Variants in CEP350 observed in about 807,000 individuals in gnomAD.
CEP350 encodes centrosome-associated protein 350.
A neutral mutation model predicts 331.8 loss-of-function variants in CEP350; 126 were observed. The ratio of observed to expected loss-of-function variants is 0.38; its 90% CI spans 0.33 to 0.44. The LOEUF (loss-of-function observed/expected upper bound fraction) is 0.44. Ranked by LOEUF, CEP350 falls within the 20% of genes least tolerant of loss-of-function variation. The pLI is 1.00. For synonymous variants in CEP350, 1,200 were observed against 1,259.5 expected, an observed-to-expected ratio of 0.95 and a Z score of 1.00; for missense variants, 3,406 against 3,634.6, an observed-to-expected ratio of 0.94 and a Z score of 1.62.
intron 1 of CEP350, among the ~76,000 whole-genome samples, chr1:179,958,082 C>A (rs1253416039): frequency 6.6e-6 from 1 of 152,072 alleles, no homozygotes; most frequent in East Asian, 1.9e-4. Context: ...TTTAATATGT[C>A]AGATAATTAT....
At chr1:179,991,836 G>A (rs1653122620) in intron 4 of CEP350, among the ~76,000 whole-genome samples, 1 of 151,352 alleles carries the variant, frequency 6.6e-6, no homozygotes, top group African/African-American at 2.4e-5. Flanking sequence ...ATTTTGCATT[G>A]TTTCCTCAGA....
Position 179,974,461 on chromosome 1 carries a change from C to G in CEP350, c.-13-11708C>G, listed in dbSNP as rs1480166514. Among the ~76,000 whole-genome samples, 3 of 152,020 alleles carry G rather than the reference C, an allele frequency of 2.0e-5. No individual in the cohort carries two copies. In the East Asian group the frequency reaches 5.8e-4, roughly 29 times the overall value. ...TCTGTTCATTGAAGGTTCTGTTGATCTCTAGATGGGTAAGAAGATACAGTC... is the reference window on the plus strand; with the variant it reads ...TCTGTTCATTGAAGGTTCTGTTGATGTCTAGATGGGTAAGAAGATACAGTC... On this transcript the variant is annotated intron_variant, in intron 1 of 37. Transcript: ENST00000367607.
At position 180,076,618 on chromosome 1, in the gene CEP350, G is replaced by A. The variant is rs949685630; in HGVS notation, c.5767+1397G>A. ...AGCCTGGGCAACATGGTAAAACCCC[G>A]TTTCTACCAAAAATAAAAAAATTAG... On this transcript the variant is annotated intron_variant, in intron 28 of 37. Transcript: ENST00000367607. Among the ~76,000 whole-genome samples, 5 of 152,038 alleles carry A rather than the reference G, an allele frequency of 3.3e-5. No individual in the cohort carries two copies. The East Asian group carries it at 7.7e-4, about 24-fold the overall frequency.
intron 6 of CEP350, among the ~76,000 whole-genome samples, chr1:179,998,303 C>CTTTTTTTTTTTT: frequency 8.9e-6 from 1 of 112,078 alleles, no homozygotes; most frequent in Non-Finnish European, 1.9e-5. Flanking sequence ...CTTCTATTTT[C>CTTTTTTTTTTTT]TTTTTTTTTT....
At position 179,955,024 on chromosome 1, in the gene CEP350, C is replaced by T. The variant is rs1205944696; in HGVS notation, c.-132C>T. The T allele has an allele frequency of 3.8e-6, 5 of 1,331,586 alleles. No homozygotes were observed. Among genetic ancestry groups the T allele is most frequent in the East Asian group, 3.1e-5 (1 of 31,978 alleles). 82.5% of individuals were successfully genotyped at this position (1,331,586 alleles called of 1,614,324 possible). A position where few individuals can be genotyped will look rare whatever the true frequency, so the allele number is the denominator to read the frequency against. ...GTGCGAGGAGGGCACCCGGTGCGTC[C>T]CCGGAGCGGGGAGGCCAGGCCGGGC... is the stretch of plus-strand genomic sequence containing the variant. On this transcript the variant is annotated 5_prime_UTR_variant, in exon 1 of 38. Transcript: ENST00000367607.
chr1:180,091,383 GTATAAAGAT>G (rs936744480), intron 33 of CEP350, among the ~76,000 whole-genome samples: 3 of 152,028 alleles, frequency 2.0e-5, no homozygotes, highest in Non-Finnish European at 4.4e-5. Context: ...AAAAACCAAA[GTATAAAGAT>G]TAAATAGCTG....
At chr1:180,096,332 G>C in intron 36 of CEP350, 148 bp downstream of exon 36, 2 of 812,796 alleles carry the variant, frequency 2.5e-6, no homozygotes, top group Non-Finnish European at 3.5e-6. Context: ...ATAAAGATTT[G>C]TTGACTTACT....
intron 18 of CEP350, 46 bp from the exon 19 acceptor site, chr1:180,041,616 G>T: frequency 6.5e-7 from 1 of 1,526,966 alleles, no homozygotes; most frequent in East Asian, 2.3e-5. Context: ...TCAGGAGGAG[G>T]GGAGATTAAA....
chr1:180,069,227 A>C (rs1658739673), intron 27 of CEP350, among the ~76,000 whole-genome samples: 1 of 152,228 alleles, frequency 6.6e-6, no homozygotes, highest in South Asian at 2.1e-4. Flanking sequence ...GTTGGCTTAC[A>C]AAACTGTTAA....
In CEP350 at chr1:180,096,190, C is replaced by T; in HGVS notation, c.9066+6C>T. 6.4e-7 allele frequency: 1 copy of T among 1,552,924 alleles called. No individual in the cohort carries two copies. The highest frequency in any genetic ancestry group is 8.7e-7 in the Non-Finnish European group (1 of 1,148,556). On this transcript the variant is annotated splice_donor_region_variant and intron_variant, in intron 36 of 37. Coordinates refer to ENST00000367607, the MANE Select transcript of CEP350 (RefSeq NM_014810.5). ...ATAACCTTGATGAAATCAAGGTAAACTGCAAACTATAAAGTGTCTTCTTTT... is the reference window on the plus strand; with the variant it reads ...ATAACCTTGATGAAATCAAGGTAAATTGCAAACTATAAAGTGTCTTCTTTT...
At chr1:180,069,631 TTAGA>T (rs796145958) in intron 27 of CEP350, among the ~76,000 whole-genome samples, 23 of 152,314 alleles carry the variant, frequency 1.5e-4, no homozygotes, top group African/African-American at 5.5e-4. Context: ...ATGTAAATTA[TTAGA>T]TAATTTTAAG....
At chr1:180,077,220 C>T (rs527952871) in intron 28 of CEP350, among the ~76,000 whole-genome samples, 1 of 151,868 alleles carries the variant, frequency 6.6e-6, no homozygotes, top group Non-Finnish European at 1.5e-5. Flanking sequence ...CATATCTATA[C>T]ATCAGCAAAA....
intron 25 of CEP350, among the ~76,000 whole-genome samples, chr1:180,058,353 T>C (rs993731848): frequency 3.3e-5 from 5 of 152,202 alleles, no homozygotes; most frequent in African/African-American, 1.2e-4. Context: ...GAAGCTGTCA[T>C]ATTGGACAGT....
chr1:180,035,735 ATTG>A (rs1656307462), intron 16 of CEP350, among the ~76,000 whole-genome samples: 1 of 152,168 alleles, frequency 6.6e-6, no homozygotes, highest in Admixed American at 6.5e-5. Context: ...ATTCCTGCTT[ATTG>A]ACAATGCACC....
intron 37 of CEP350, among the ~76,000 whole-genome samples, chr1:180,108,667 A>G (rs1661293204): frequency 6.6e-6 from 1 of 152,242 alleles, no homozygotes; most frequent in Non-Finnish European, 1.5e-5. Context: ...TTATTATAGC[A>G]TCCTTCATAA....
Position 180,014,060 on chromosome 1 carries a change from A to T in CEP350, c.1607A>T (p.Gln536Leu), listed in dbSNP as rs201133178. Residue 536 changes from glutamine (Q) to leucine (L), a missense_variant, in exon 10 of 38, where the codon CAG becomes CTG. Around this residue, in one of 5 missense-constraint regions of CEP350, gnomAD observed 1,857 missense variants for 1,909.2 expected, o/e 0.97. Coordinates refer to ENST00000367607, the MANE Select transcript of CEP350 (RefSeq NM_014810.5). Reference protein sequence around the residue: ...IEIRGILDDLQLDSTAHTAKQ... With the variant: ...IEIRGILDDLLLDSTAHTAKQ... Reference sequence around the variant, plus strand: ...ATTCGTGGCATTCTTGATGACCTACAGCTGGATTCTACAGCTCACACTGCA... The same window carrying T: ...ATTCGTGGCATTCTTGATGACCTACTGCTGGATTCTACAGCTCACACTGCA... The T allele has an allele frequency of 2.4e-5, 38 of 1,612,342 alleles. No homozygotes were observed. The East Asian group carries it at 3.3e-4, about 14-fold the overall frequency.
chr1:180,015,226 A>G (rs1011421804), intron 10 of CEP350, among the ~76,000 whole-genome samples: 16 of 145,628 alleles, frequency 1.1e-4, no homozygotes, highest in South Asian at 4.2e-4. Flanking sequence ...TTATTTATTT[A>G]TTTATTTATT....
intron 16 of CEP350, among the ~76,000 whole-genome samples, chr1:180,034,335 C>T (rs532097721): frequency 1.6e-3 from 248 of 152,242 alleles, no homozygotes; most frequent in African/African-American, 5.8e-3. Context: ...CATATGTGCA[C>T]TCCTGTTTAT....
chr1:180,022,821 CA>C lies in CEP350; in HGVS notation c.3360del (p.Glu1121LysfsTer12). The C allele has an allele frequency of 6.3e-7, 1 of 1,589,962 alleles. No individual in the cohort carries two copies. Among genetic ancestry groups the C allele is most frequent in the Non-Finnish European group, 8.6e-7 (1 of 1,167,060 alleles). Reference sequence around the variant, plus strand: ...TCCTCTCCAGGGACTGGGACTTCGACAGAAAAAAAATCAACTCTTGAACCTC... The same window carrying C: ...TCCTCTCCAGGGACTGGGACTTCGACGAAAAAAAATCAACTCTTGAACCTC... ...FVSSPGTGTS[T>X]EKKSTLEPHS... is the part of the protein sequence containing the mutation. On this transcript the variant is annotated frameshift_variant, in exon 13 of 38. Transcript: ENST00000367607. LOFTEE classifies it high-confidence loss of function.
Sources: gnomAD v4.1 joint callset for allele counts (sites outside exome capture counted in the v4.1 genomes callset) on GRCh38, gnomAD v4.1.1 for gene constraint, gnomAD v4.1.1 regional missense constraint, MANE v1.5 for transcripts, NCBI Gene and HGNC (gene_info 2026-07-23, HGNC 2026-07-21) for gene names.